Variants in NFYC observed in about 807,000 individuals in gnomAD.
The protein encoded by NFYC is nuclear transcription factor Y subunit gamma, also known as CAAT box DNA-binding protein subunit C.
A neutral mutation model predicts 53.1 loss-of-function variants in NFYC; 25 were observed. The observed-to-expected ratio is 0.47, with a 90% CI of 0.34 to 0.66. The LOEUF is 0.66. Among genes scored for constraint, NFYC ranks in the 30% least tolerant of loss-of-function variants. The pLI, the probability that NFYC is intolerant of heterozygous loss-of-function variation, is 0.01. For synonymous variants in NFYC, 145 were observed against 152.6 expected, an observed-to-expected ratio of 0.95 and a Z score of 0.37; for missense variants, 260 against 422.7, an observed-to-expected ratio of 0.62 and a Z score of 3.38.
chr1:40,763,573 C>G (rs1459208188), intron 7 of NFYC: 1 of 356,604 alleles, frequency 2.8e-6, no homozygotes, highest in Non-Finnish European at 5.5e-6. Context: ...TCTCTAACTC[C>G]TAACCTCAGG....
chr1:40,737,818 G>A (rs1288408439), intron 1 of NFYC, among the ~76,000 whole-genome samples: 9 of 151,896 alleles, frequency 5.9e-5, no homozygotes, highest in Non-Finnish European at 1.3e-4. Context: ...TCTGAGATTA[G>A]AAGGAATAAT....
At chr1:40,766,818 A>T in intron 8 of NFYC, 115 bp downstream of exon 8, 1 of 1,481,162 alleles carries the variant, frequency 6.8e-7, no homozygotes, top group East Asian at 2.4e-5. Context: ...AACCAGAAGC[A>T]CCACCCCCAC....
rs1179220309 is a variant in NFYC, at chr1:40,771,265, T to C, written c.*437T>C. 5 of 330,568 alleles carry C rather than the reference T, an allele frequency of 1.5e-5. No individual in the cohort carries two copies. The East Asian group carries it at 4.4e-4, about 29-fold the overall frequency. The allele number at this position is 330,568 out of a possible 1,614,324, so 20.5% of individuals were successfully genotyped here. A position where few individuals can be genotyped will look rare whatever the true frequency, so the allele number is the denominator to read the frequency against. ...TGGGAACAGCTGCTACCCCCAAGAC[T>C]TGCCACGTTGTTCTGCCCTCAGATG... On this transcript the variant is annotated 3_prime_UTR_variant, in exon 10 of 10. Transcript: ENST00000447388.
At chr1:40,706,908 GCCTGTA>G (rs1643718686) in intron 1 of NFYC, among the ~76,000 whole-genome samples, 1 of 152,132 alleles carries the variant, frequency 6.6e-6, no homozygotes, top group African/African-American at 2.4e-5. Flanking sequence ...GGTGGCTCAT[GCCTGTA>G]ATCCCAGCAC....
chr1:40,725,528 G>A (rs7532802), intron 1 of NFYC, among the ~76,000 whole-genome samples: 32,735 of 152,154 alleles, frequency 0.22, 4,149 homozygotes, highest in South Asian at 0.41. Flanking sequence ...CTTTTTAGCT[G>A]TTGTGATCGA....
intron 2 of NFYC, among the ~76,000 whole-genome samples, chr1:40,745,613 A>T (rs148523249): frequency 1.3e-5 from 2 of 152,136 alleles, no homozygotes; most frequent in African/African-American, 4.8e-5. Flanking sequence ...TGTCTGAATA[A>T]CATTCTCATA....
chr1:40,751,113 A>C (rs1004173769), intron 4 of NFYC, among the ~76,000 whole-genome samples: 4 of 152,196 alleles, frequency 2.6e-5, no homozygotes, highest in Non-Finnish European at 5.9e-5. Flanking sequence ...CTACCTCAAA[A>C]CTGGAAACAA....
Position 40,763,132 on chromosome 1 carries a change from C to T in NFYC, c.720+86C>T. Reference sequence around the variant, plus strand: ...TATACCTTGATATATATATGTATATCTCTATATATACCTTGATATGTATAT... The same window carrying T: ...TATACCTTGATATATATATGTATATTTCTATATATACCTTGATATGTATAT... On this transcript the variant is annotated intron_variant, in intron 7 of 9. Transcript: ENST00000447388. 7 of 1,198,096 alleles carry T rather than the reference C, an allele frequency of 5.8e-6. No individual in the cohort carries two copies. The South Asian group carries it at 1.1e-4, about 18-fold the overall frequency. The allele number at this position is 1,198,096 out of a possible 1,614,324, so 74.2% of individuals were successfully genotyped here.
chr1:40,742,993 A>G (rs1645431405), intron 2 of NFYC, among the ~76,000 whole-genome samples: 1 of 152,200 alleles, frequency 6.6e-6, no homozygotes, highest in Non-Finnish European at 1.5e-5. Context: ...ACACCTCACA[A>G]TATCTAACAG....
At chr1:40,734,945 A>T (rs1644948507) in intron 1 of NFYC, 1 of 152,178 alleles carries the variant, frequency 6.6e-6, no homozygotes, top group Admixed American at 6.5e-5. Context: ...AGTTTGCTGG[A>T]TGGAAAAATC....
chr1:40,692,198 G>C (rs896431187), intron 1 of NFYC: 1 of 167,432 alleles, frequency 6.0e-6, no homozygotes, highest in South Asian at 9.6e-5. Context: ...TCCGGTCTAG[G>C]GGGTGATGAA....
rs141510688 is a variant in NFYC, at chr1:40,691,744, G to T, written c.-132G>T. On this transcript the variant is annotated 5_prime_UTR_variant, in exon 1 of 10. Transcript: ENST00000447388. The stretch of plus-strand genomic sequence containing the variant: ...GCCATCTTGCTTGTGCCCCCGCTTC[G>T]CGCGCGCTCCGTTCTCCGTGACGCA... 513 of 455,416 alleles carry T rather than the reference G, an allele frequency of 1.1e-3. 1 individual carries two copies. The highest frequency in any genetic ancestry group is 9.4e-3 in the African/African-American group (471 of 50,008). 28.2% of individuals were successfully genotyped at this position (455,416 alleles called of 1,614,324 possible).
intron 1 of NFYC, among the ~76,000 whole-genome samples, chr1:40,732,983 G>T (rs1331766022): frequency 6.9e-6 from 1 of 144,786 alleles, no homozygotes; most frequent in East Asian, 2.0e-4. Context: ...CAATAAGTAT[G>T]TCAGGGCCAA....
At chr1:40,767,325 G>A (rs1646867921) in intron 8 of NFYC, 1 of 299,062 alleles carries the variant, frequency 3.3e-6, no homozygotes, top group African/African-American at 2.2e-5. Context: ...AAAAAAAGCA[G>A]CGATCGTTTA....
intron 1 of NFYC, among the ~76,000 whole-genome samples, chr1:40,705,636 T>C (rs1643659538): frequency 6.6e-6 from 1 of 152,232 alleles, no homozygotes; most frequent in Non-Finnish European, 1.5e-5. Context: ...TCCTAATAAT[T>C]TAGTAGTAAA....
chr1:40,747,725 GC>G, intron 3 of NFYC, 120 bp downstream of exon 3: 1 of 700,030 alleles, frequency 1.4e-6, no homozygotes, highest in Non-Finnish European at 2.4e-6. Context: ...ACTGTCTGTT[GC>G]TTTGTTATTT....
intron 1 of NFYC, among the ~76,000 whole-genome samples, chr1:40,716,767 G>T (rs1644151480): frequency 6.6e-6 from 1 of 152,126 alleles, no homozygotes; most frequent in African/African-American, 2.4e-5. Context: ...TTACATGGAG[G>T]CAATGAGGGT....
intron 2 of NFYC, 130 bp downstream of exon 2, chr1:40,739,078 C>A: frequency 1.5e-6 from 1 of 663,344 alleles, no homozygotes. Context: ...TCACCCCTGA[C>A]CTGTGGGTAG....
At chr1:40,753,280 T>TG (rs1461249160) in intron 5 of NFYC, 34 bp downstream of exon 5, 6 of 1,469,536 alleles carry the variant, frequency 4.1e-6, no homozygotes, top group Non-Finnish European at 5.7e-6. Context: ...TGCTGCTGAC[T>TG]GAAGAGCGCT....
Sources: gnomAD v4.1 joint callset for allele counts (sites outside exome capture counted in the v4.1 genomes callset) on GRCh38, gnomAD v4.1.1 for gene constraint, MANE v1.5 for transcripts, NCBI Gene and HGNC (gene_info 2026-07-23, HGNC 2026-07-21) for gene names.